LAMA5: variants seen among roughly 807,000 people sequenced by gnomAD.
The protein encoded by LAMA5 is laminin subunit alpha 5, also known as laminin subunit alpha-5.
Under a neutral mutation model 433.4 loss-of-function variants are expected in LAMA5, and 260 were observed. The ratio of observed to expected loss-of-function variants is 0.60; its 90% CI spans 0.54 to 0.66. The LOEUF is 0.66. Ranked by LOEUF, LAMA5 falls within the 30% of genes least tolerant of loss-of-function variation. The probability of loss-of-function intolerance (pLI) is 0.00; values close to 1 mark genes in which losing one functional copy is unlikely to be tolerated. For synonymous variants in LAMA5, 2,620 were observed against 2,226.6 expected (o/e 1.18, Z -4.97); for missense variants, 5,378 against 5,258.5 (o/e 1.02, Z -0.70).
At chr20:62,310,356 C>T (rs1484331135) in intron 76 of LAMA5, 45 bp from the exon 77 acceptor site, 9 of 1,570,564 alleles carry the variant, frequency 5.7e-6, no homozygotes, top group Non-Finnish European at 6.0e-6. Context: ...GGGCCCCTCC[C>T]CAGAACCTCC....
At position 62,320,919 on chromosome 20, in the gene LAMA5, T is replaced by C; in HGVS notation, c.6497-29A>G. 1.3e-6 allele frequency: 2 copies of C among 1,593,674 alleles called. 1 individual carries two copies. ...CAGGCGATGTGGGGTCACAGGTCAG[T>C]GTCATTGGGTCAGGCCAGGGGAGAA... On this transcript the variant is annotated intron_variant, in intron 48 of 79. Transcript: ENST00000252999.
Position 62,332,432 on chromosome 20 carries a change from G to T in LAMA5, c.3492C>A (p.Val1164=). 6.2e-7 allele frequency: 1 copy of T among 1,612,820 alleles called. No individual in the cohort carries two copies. Among genetic ancestry groups the T allele is most frequent in the Non-Finnish European group, 8.5e-7 (1 of 1,179,980 alleles). The change falls in exon 28 of 80, where the codon GTC becomes GTA. Residue 1164 remains valine, a synonymous_variant. Coordinates refer to ENST00000252999, the MANE Select transcript of LAMA5 (RefSeq NM_005560.6). ...TARDTQDHLA[V]FHLDSEASVR... Reference sequence around the variant, plus strand: ...CGCTGGCCTCCGAGTCCAGGTGGAAGACAGCCAGGTGGTCCTGGGTATCCC... The same window carrying T: ...CGCTGGCCTCCGAGTCCAGGTGGAATACAGCCAGGTGGTCCTGGGTATCCC...
chr20:62,338,651 G>A (rs1982103050), intron 11 of LAMA5, 43 bp from the exon 12 acceptor site: 1 of 1,578,338 alleles, frequency 6.3e-7, no homozygotes, highest in Non-Finnish European at 8.6e-7. Context: ...ATGCCCTGCA[G>A]ACCCCAGTAC....
intron 48 of LAMA5, among the ~76,000 whole-genome samples, chr20:62,321,671 G>C (rs1411915672): frequency 1.8e-5 from 2 of 109,346 alleles, no homozygotes; most frequent in African/African-American, 7.7e-5. Context: ...AATGGGGGTG[G>C]GGTCAGTGGA....
rs372006032 is a variant in LAMA5, at chr20:62,314,928, C to G, written c.8067G>C (p.Thr2689=). 1 of 1,604,062 alleles carries G rather than the reference C, an allele frequency of 6.2e-7. No individual in the cohort carries two copies. The highest frequency in any genetic ancestry group is 8.5e-7 in the Non-Finnish European group (1 of 1,178,002). ...TCAGCTTGGCCAGCAGCTGGGGCAG[C>G]GTCTTCTCCAGGGTGGACACTGCAG... ...AGHSVSTLEK[T]LPQLLAKLSI... Residue 2689 remains threonine, a synonymous_variant, in exon 60 of 80, where the codon ACG becomes ACC. Transcript: ENST00000252999.
At chr20:62,347,332 C>T (rs565707025) in intron 6 of LAMA5, among the ~76,000 whole-genome samples, 62 of 152,144 alleles carry the variant, frequency 4.1e-4, no homozygotes, top group African/African-American at 1.3e-3. Context: ...GTGCACTGAC[C>T]GGGTGGGGCC....
intron 52 of LAMA5, 31 bp from the exon 53 acceptor site, chr20:62,318,681 C>A: frequency 6.2e-7 from 1 of 1,602,748 alleles, no homozygotes; most frequent in Admixed American, 1.7e-5. Flanking sequence ...GGTGGTCACT[C>A]TGGAAGCCAG....
chr20:62,367,112 A>G lies in LAMA5; in HGVS notation c.134T>C (p.Leu45Pro). ...GGCCAGGTTGAAGTAGGGCGGGTGC[A>G]GGCTGAAGCCGCCGCCCGCCTCCTC... ...AREEAGGGFS[L>P]HPPYFNLAEG... The change falls in exon 1 of 80, where the codon CTG becomes CCG. Residue 45 changes from leucine to proline, a missense_variant. Transcript: ENST00000252999. 2 of 1,276,778 alleles carry G rather than the reference A, an allele frequency of 1.6e-6. No homozygotes were observed. The highest frequency in any genetic ancestry group is 9.9e-7 in the Non-Finnish European group (1 of 1,014,320). 79.1% of individuals were successfully genotyped at this position (1,276,778 alleles called of 1,614,324 possible).
At chr20:62,364,483 GCAGTTC>G (rs1568994579) in intron 1 of LAMA5, among the ~76,000 whole-genome samples, 2 of 152,204 alleles carry the variant, frequency 1.3e-5, no homozygotes, top group African/African-American at 4.8e-5. Context: ...TTATTGGGAG[GCAGTTC>G]CAGTCCCCAT....
intron 20 of LAMA5, 140 bp from the exon 21 acceptor site, chr20:62,334,761 G>GGGCGAGGGCGAA: frequency 2.1e-6 from 1 of 482,820 alleles, no homozygotes; most frequent in Non-Finnish European, 3.6e-6. Flanking sequence ...CTCAGGGCGA[G>GGGCGAGGGCGAA]GGCGAGGGCG....
Position 62,312,209 on chromosome 20 carries a change from G to C in LAMA5, c.9468C>G (p.Ala3156=), listed in dbSNP as rs917589330. ...GGTAGTAGAGCAGGGCACTGTCCTGGGCGCTGTGGAAGCCGAAGCCGGAGT... is the reference window on the plus strand; with the variant it reads ...GGTAGTAGAGCAGGGCACTGTCCTGCGCGCTGTGGAAGCCGAAGCCGGAGT... ...NVYSGFGFHS[A]QDSALLYYRA... The change falls in exon 69 of 80, where the codon GCC becomes GCG. Residue 3156 remains alanine, a synonymous_variant. Transcript: ENST00000252999. The C allele has an allele frequency of 1.8e-5, 29 of 1,610,564 alleles. No individual in the cohort carries two copies. The African/African-American group carries it at 3.1e-4, about 17-fold the overall frequency.
chr20:62,330,475 A>G lies in LAMA5; in HGVS notation c.3979+13T>C. The G allele has an allele frequency of 6.5e-7, 1 of 1,534,936 alleles. No homozygotes were observed. The highest frequency in any genetic ancestry group is 8.8e-7 in the Non-Finnish European group (1 of 1,138,290). Reference sequence around the variant, plus strand: ...GTGTGGTAGCCTCTCCACCCCCCACACCAGACACTCACCCTGCCACACGCG... The same window carrying G: ...GTGTGGTAGCCTCTCCACCCCCCACGCCAGACACTCACCCTGCCACACGCG... On this transcript the variant is annotated intron_variant, in intron 31 of 79. Transcript: ENST00000252999.
At position 62,318,875 on chromosome 20, in the gene LAMA5, G is replaced by C; in HGVS notation, c.7010C>G (p.Ala2337Gly). ...RARDLGAPQA[A>G]AEAELAAAQR... ...TGCTGCAGCCAACTCAGCCTCAGCT[G>C]CTGCCTGCGGGGCCCCCAGGTCCCG... Residue 2337 changes from alanine (A) to glycine (G), a missense_variant, in exon 52 of 80, where the codon GCA (alanine) becomes GGA (glycine). Physicochemically the swap from Ala to Gly is moderately conservative, Grantham distance 60. Coordinates refer to ENST00000252999, the MANE Select transcript of LAMA5 (RefSeq NM_005560.6). The C allele has an allele frequency of 6.2e-7, 1 of 1,609,436 alleles. No individual in the cohort carries two copies. The highest frequency in any genetic ancestry group is 1.3e-5 in the African/African-American group (1 of 75,002).
rs750297405 is a variant in LAMA5, at chr20:62,333,627, T to G, written c.2958A>C (p.Gly986=). Residue 986 remains glycine (G), a synonymous_variant, in exon 24 of 80, where the codon GGA becomes GGC. Transcript: ENST00000252999. ...AFITVPQRGF[G]EPFVLNPGTW... ...TGCCAGGGTTCAGCACAAAGGGCTC[T>G]CCGAAGCCCCTCTGGGGCACGGTGA... 4 of 1,582,570 alleles carry G rather than the reference T, an allele frequency of 2.5e-6. No homozygotes were observed. The highest frequency in any genetic ancestry group is 3.4e-6 in the Non-Finnish European group (4 of 1,165,278).
In LAMA5 at chr20:62,335,051, G is replaced by A; in HGVS notation, c.2452C>T (p.Leu818=). Residue 818 remains leucine, a synonymous_variant, in exon 20 of 80, where the codon CTG becomes TTG. Coordinates refer to ENST00000252999, the MANE Select transcript of LAMA5 (RefSeq NM_005560.6). ...CAGCCAAAATAGTCAGCCTGATCCAGTCCAAAGAAGCCATCCTTGCAGGAC... is the reference window on the plus strand; with the variant it reads ...CAGCCAAAATAGTCAGCCTGATCCAATCCAAAGAAGCCATCCTTGCAGGAC... ...CASCKDGFFG[L]DQADYFGCRS... 1 of 1,612,996 alleles carries A rather than the reference G, an allele frequency of 6.2e-7. No homozygotes were observed. Among genetic ancestry groups the A allele is most frequent in the South Asian group, 1.1e-5 (1 of 91,090 alleles).
intron 18 of LAMA5, 99 bp from the exon 19 acceptor site, chr20:62,335,368 A>C: frequency 8.2e-7 from 1 of 1,223,938 alleles, no homozygotes; most frequent in East Asian, 2.5e-5. Flanking sequence ...CCTCCAGGGC[A>C]CACTCACAGG....
chr20:62,346,946 G>C lies in LAMA5; in HGVS notation c.1039C>G (p.Pro347Ala), dbSNP rs1450419641. ...TCGTTGGCACTGTTGGCAGTCGCAG[G>C]CTTCCACGGCTGCTGATTGAAGCCG... ...CPGFNQQPWKPATANSANECQ... is the reference protein window; with the variant it reads ...CPGFNQQPWKAATANSANECQ... The change falls in exon 7 of 80, where the codon CCT (proline) becomes GCT (alanine). Residue 347 changes from proline to alanine, a missense_variant. Physicochemically the swap from Pro to Ala is conservative, Grantham distance 27. Coordinates refer to ENST00000252999, the MANE Select transcript of LAMA5 (RefSeq NM_005560.6). 6.2e-7 allele frequency: 1 copy of C among 1,612,864 alleles called. No homozygotes were observed. Among genetic ancestry groups the C allele is most frequent in the Non-Finnish European group, 8.5e-7 (1 of 1,179,940 alleles).
chr20:62,335,298 C>A (rs958151122), intron 18 of LAMA5, 29 bp from the exon 19 acceptor site: 4 of 1,609,866 alleles, frequency 2.5e-6, no homozygotes, highest in Non-Finnish European at 3.4e-6. Flanking sequence ...GACTCAGATG[C>A]TTGGTGGGGC....
intron 1 of LAMA5, among the ~76,000 whole-genome samples, chr20:62,363,598 A>C (rs976674362): frequency 6.6e-6 from 1 of 152,000 alleles, no homozygotes; most frequent in East Asian, 1.9e-4. Flanking sequence ...CCGCCCCCCC[A>C]GGAAACCAGA....
Sources: gnomAD v4.1 joint callset for allele counts (sites outside exome capture counted in the v4.1 genomes callset) on GRCh38, gnomAD v4.1.1 for gene constraint, MANE v1.5 for transcripts, NCBI Gene and HGNC (gene_info 2026-07-23, HGNC 2026-07-21) for gene names.